Variants in RFC5 observed in about 807,000 individuals in gnomAD.
RFC5 encodes replication factor C subunit 5.
A neutral mutation model predicts 44.3 loss-of-function variants in RFC5; 26 were observed. The observed-to-expected ratio is 0.59, with a 90% CI of 0.43 to 0.81. The LOEUF (loss-of-function observed/expected upper bound fraction) is 0.81, where lower values mean the gene tolerates loss of function less well. Ranked by LOEUF, RFC5 falls within the 40% of genes least tolerant of loss-of-function variation. The pLI is 0.00. For synonymous variants in RFC5, 155 were observed against 155.2 expected (o/e 1.00, Z 0.01); for missense variants, 328 against 418.6 (o/e 0.78, Z 1.89).
At chr12:118,033,983 AAGTGGAATCTCTTCC>A, downstream of RFC5, 1 of 609,948 alleles carries the variant, frequency 1.6e-6, no homozygotes, top group Non-Finnish European at 2.8e-6. Flanking sequence ...GTTGCCGTGC[AAGTGGAATCTCTTCC>A]TCTAAGACTG....
At chr12:118,023,415 GGGAGGAGGGGA>G (rs1291178678) in intron 5 of RFC5, among the ~76,000 whole-genome samples, 8 of 22,822 alleles carry the variant, frequency 3.5e-4, no homozygotes, top group Non-Finnish European at 5.2e-4. Context: ...AGGAGGAGGG[GGGAGGAGGGGA>G]GGAAGAGGAG....
At chr12:118,020,303 C>T (rs995958222) in intron 3 of RFC5, among the ~76,000 whole-genome samples, 1 of 152,212 alleles carries the variant, frequency 6.6e-6, no homozygotes, top group African/African-American at 2.4e-5. Flanking sequence ...CTCCAGGTGC[C>T]TACAGCCACT....
intron 9 of RFC5, 49 bp downstream of exon 9, chr12:118,028,079 C>T: frequency 8.3e-7 from 1 of 1,207,198 alleles, no homozygotes; most frequent in Non-Finnish European, 1.2e-6. Flanking sequence ...AGGTAGCCTG[C>T]TTTGGGGTTA....
chr12:118,028,547 C>T (rs1475956450), intron 9 of RFC5, among the ~76,000 whole-genome samples: 1 of 149,562 alleles, frequency 6.7e-6, no homozygotes, highest in African/African-American at 2.5e-5. Flanking sequence ...ATATCTAGAA[C>T]TGCTGGGGAA....
Position 118,019,149 on chromosome 12 carries a change from G to T in RFC5, c.130+13G>T. On this transcript the variant is annotated intron_variant, in intron 2 of 10. Coordinates refer to ENST00000454402, the MANE Select transcript of RFC5 (RefSeq NM_007370.7). The surrounding 1 kb of genome is among the most constrained non-coding windows in gnomAD (Gnocchi z 4.2). ...ATTCTGAGTACCAGTAAGTATTCATGTGTCAGTTGCTCTTGTCCTGCTTGA... is the reference window on the plus strand; with the variant it reads ...ATTCTGAGTACCAGTAAGTATTCATTTGTCAGTTGCTCTTGTCCTGCTTGA... The T allele has an allele frequency of 6.3e-7, 1 of 1,598,426 alleles. No individual in the cohort carries two copies. The highest frequency in any genetic ancestry group is 8.6e-7 in the Non-Finnish European group (1 of 1,166,038).
chr12:118,025,228 C>T, intron 6 of RFC5: 1 of 478,610 alleles, frequency 2.1e-6, no homozygotes, highest in Non-Finnish European at 3.7e-6. Context: ...TTCTTGATTC[C>T]ATCCTCCTCC....
downstream of RFC5, among the ~76,000 whole-genome samples, chr12:118,037,600 G>A (rs1395124471): frequency 1.3e-5 from 2 of 151,490 alleles, no homozygotes; most frequent in South Asian, 2.1e-4. Flanking sequence ...CCCGGGAAGC[G>A]GAGGTTGCAG....
the RFC5 span, among the ~76,000 whole-genome samples, chr12:118,038,692 T>G: frequency 6.6e-6 from 1 of 152,220 alleles, no homozygotes; most frequent in African/African-American, 2.4e-5. Context: ...TGTTTGTTTC[T>G]GAGATGGAGT....
chr12:118,034,206 C>G (rs572067248), downstream of RFC5: 1 of 1,614,036 alleles, frequency 6.2e-7, no homozygotes, highest in South Asian at 1.1e-5. Flanking sequence ...TTAAAAAGTC[C>G]TGTATGTGAG....
At chr12:118,034,584 T>TCTCTCTCTCTCTC, downstream of RFC5, 1 of 521,408 alleles carries the variant, frequency 1.9e-6, no homozygotes, top group Non-Finnish European at 3.3e-6. Context: ...GCTCTCTCTG[T>TCTCTCTCTCTCTC]CTCTCTCTCG....
downstream of RFC5, chr12:118,034,156 G>A (rs759209052): frequency 3.7e-6 from 6 of 1,612,136 alleles, no homozygotes; most frequent in East Asian, 2.2e-5. Flanking sequence ...TTGACAGGAC[G>A]ATTTACCCTG....
chr12:118,038,841 C>T, the RFC5 span, among the ~76,000 whole-genome samples: 1 of 152,088 alleles, frequency 6.6e-6, no homozygotes, highest in Non-Finnish European at 1.5e-5. Context: ...CCACTGCGCC[C>T]AGCTCATTTT....
At chr12:118,030,894 G>A (rs2031274183) in intron 10 of RFC5, among the ~76,000 whole-genome samples, 1 of 152,196 alleles carries the variant, frequency 6.6e-6, no homozygotes, top group Non-Finnish European at 1.5e-5. Flanking sequence ...GCCTCCCAAA[G>A]TGCTGGGATT....
At chr12:118,041,390 C>T in the RFC5 span, among the ~76,000 whole-genome samples, 2 of 152,196 alleles carry the variant, frequency 1.3e-5, no homozygotes, top group South Asian at 2.1e-4. Flanking sequence ...ACTAGCACTT[C>T]GCTCACGGAC....
intron 5 of RFC5, among the ~76,000 whole-genome samples, chr12:118,023,440 GTGAGGAGGAGGAGGGGGAGGA>G (rs2030681977): frequency 3.6e-5 from 3 of 82,452 alleles, no homozygotes; most frequent in Non-Finnish European, 4.8e-5. Context: ...AGAGGAGGGG[GTGAGGAGGAGGAGGGGGAGGA>G]GAAGGCGGAG....
At chr12:118,034,679 G>T (rs2031464480), downstream of RFC5, 1 of 495,330 alleles carries the variant, frequency 2.0e-6, no homozygotes, top group South Asian at 2.9e-5. Context: ...GATGTTACCT[G>T]TAAAGTGGTC....
At chr12:118,039,222 T>C in the RFC5 span, among the ~76,000 whole-genome samples, 2 of 152,174 alleles carry the variant, frequency 1.3e-5, no homozygotes, top group African/African-American at 4.8e-5. Flanking sequence ...AGCTTGGGTT[T>C]GAATCCTGAC....
intron 6 of RFC5, 131 bp downstream of exon 6, chr12:118,025,141 C>G: frequency 1.4e-6 from 1 of 709,286 alleles, no homozygotes; most frequent in Non-Finnish European, 2.3e-6. Flanking sequence ...AGGGGAGGCA[C>G]TGGGGACCGT....
chr12:118,040,482 C>G, the RFC5 span, among the ~76,000 whole-genome samples: 1 of 152,012 alleles, frequency 6.6e-6, no homozygotes, highest in African/African-American at 2.4e-5. Context: ...CACTGCCAGC[C>G]GAGCGTGGTA....
Sources: gnomAD v4.1 joint callset for allele counts (sites outside exome capture counted in the v4.1 genomes callset) on GRCh38, gnomAD v4.1.1 for gene constraint, Gnocchi (gnomAD v3.1) non-coding constraint, MANE v1.5 for transcripts, NCBI Gene and HGNC (gene_info 2026-07-23, HGNC 2026-07-21) for gene names.